The following ENOX2 variants were observed in gnomAD, a reference collection of about 807,000 sequenced individuals.
The protein encoded by ENOX2 is APK1 antigen.
ENOX2 carries 36 observed loss-of-function variants against 45.0 expected under a neutral mutation model. The observed-to-expected ratio is 0.80, with a 90% CI of 0.61 to 1.06. The LOEUF (loss-of-function observed/expected upper bound fraction) is 1.06, where lower values mean the gene tolerates loss of function less well. Among genes scored for constraint, ENOX2 ranks in the 50% least tolerant of loss-of-function variants. The probability of loss-of-function intolerance (pLI) is 0.00; values close to 1 mark genes in which losing one functional copy is unlikely to be tolerated. For missense variants in ENOX2, 423 were observed against 462.5 expected (o/e 0.91, Z 0.78); for synonymous variants, 174 against 152.3 (o/e 1.14, Z -1.05).
At chrX:130,866,363 C>A (rs893579309) in intron 2 of ENOX2, among the ~76,000 whole-genome samples, 1 of 112,013 alleles carries the variant, frequency 8.9e-6, no homozygotes, top group Non-Finnish European at 1.9e-5. Context: ...ATCATGTCAT[C>A]ATCCTGAATC....
rs775886338 is a variant in ENOX2 at position 130,667,609 on chromosome X, G to A, written c.828C>T (p.Asn276=). 15 of 1,209,853 alleles carry A rather than the reference G, an allele frequency of 1.2e-5. No individual in the cohort carries two copies. In the East Asian group the frequency reaches 1.5e-4, roughly 12 times the overall value. Residue 276 remains asparagine, a synonymous_variant, in exon 8 of 15, where the codon AAC becomes AAT. Transcript: ENST00000394363. The part of the protein sequence containing the change: ...SANSHVRRLV[N]EKAAHEKDME... ...TATCTTTCTCATGGGCAGCTTTCTC[G>A]TTCACCAGGCGGCGGACATGGCTGT...
chrX:130,813,086 C>T (rs1481851825), intron 2 of ENOX2, among the ~76,000 whole-genome samples: 1 of 111,769 alleles, frequency 8.9e-6, no homozygotes, highest in Non-Finnish European at 1.9e-5. Flanking sequence ...AGGTATAATG[C>T]AAATATTCCA....
At chrX:130,892,295 T>C (rs906050555) in intron 2 of ENOX2, among the ~76,000 whole-genome samples, 8 of 112,469 alleles carry the variant, frequency 7.1e-5, no homozygotes, top group Admixed American at 3.7e-4. Context: ...AGCATATTCA[T>C]GAAGCAACAT....
intron 3 of ENOX2, among the ~76,000 whole-genome samples, chrX:130,782,045 C>T (rs1224873667): frequency 9.0e-6 from 1 of 110,884 alleles, no homozygotes; most frequent in East Asian, 2.8e-4. Flanking sequence ...TGGAATTACG[C>T]CCCTAAATGA....
At chrX:130,629,863 C>T (rs1395614218) in intron 13 of ENOX2, among the ~76,000 whole-genome samples, 3 of 111,750 alleles carry the variant, frequency 2.7e-5, no homozygotes, top group Non-Finnish European at 5.6e-5. Flanking sequence ...CTCAATCTGC[C>T]ACTGTTCTCC....
chrX:130,778,022 C>T (rs147893271), intron 3 of ENOX2, among the ~76,000 whole-genome samples: 239 of 111,696 alleles, frequency 2.1e-3, no homozygotes, highest in African/African-American at 6.9e-3. Context: ...CTAGAAATAC[C>T]ACACACCAAG....
intron 3 of ENOX2, among the ~76,000 whole-genome samples, chrX:130,769,795 T>C (rs997991883): frequency 1.8e-5 from 2 of 112,456 alleles, no homozygotes; most frequent in Non-Finnish European, 3.8e-5. Context: ...CTCTTGAGAA[T>C]GCTTCCAAAT....
At chrX:130,682,019 C>A (rs986368817) in intron 5 of ENOX2, among the ~76,000 whole-genome samples, 1 of 107,301 alleles carries the variant, frequency 9.3e-6, no homozygotes, top group African/African-American at 3.4e-5. Flanking sequence ...AACACAACCC[C>A]CCCCCCCACC....
intron 10 of ENOX2, chrX:130,645,778 T>C (rs2036216643): frequency 2.4e-6 from 2 of 820,588 alleles, no homozygotes; most frequent in Admixed American, 2.4e-5. Context: ...AGGTGGGTTC[T>C]CGTCCTGGTC....
At chrX:130,838,138 T>C (rs907123418) in intron 2 of ENOX2, among the ~76,000 whole-genome samples, 5 of 111,995 alleles carry the variant, frequency 4.5e-5, no homozygotes, top group African/African-American at 1.6e-4. Context: ...CCCAGCACTT[T>C]GGGAGGCTGA....
At chrX:130,737,822 G>A (rs2038896988) in intron 3 of ENOX2, among the ~76,000 whole-genome samples, 1 of 111,529 alleles carries the variant, frequency 9.0e-6, no homozygotes, top group Non-Finnish European at 1.9e-5. Context: ...AGTCTAAGGG[G>A]GACAAAAGAA....
At chrX:130,710,253 C>T (rs776878362) in intron 3 of ENOX2, among the ~76,000 whole-genome samples, 2 of 111,831 alleles carry the variant, frequency 1.8e-5, no homozygotes, top group South Asian at 7.6e-4. Context: ...TGCAGTAGAG[C>T]CGAGATTCAA....
chrX:130,884,496 T>C (rs988309263), intron 2 of ENOX2, among the ~76,000 whole-genome samples: 4 of 111,324 alleles, frequency 3.6e-5, no homozygotes, highest in Non-Finnish European at 5.7e-5. Flanking sequence ...AATTCAGATA[T>C]AAAAATGGCC....
At chrX:130,735,865 C>T (rs766876105) in intron 3 of ENOX2, among the ~76,000 whole-genome samples, 4 of 110,785 alleles carry the variant, frequency 3.6e-5, no homozygotes, top group African/African-American at 1.3e-4. Flanking sequence ...AAAAATCAGG[C>T]TACAGAATAG....
chrX:130,720,388 G>A (rs779631174), intron 3 of ENOX2, among the ~76,000 whole-genome samples: 51 of 112,611 alleles, frequency 4.5e-4, no homozygotes, highest in African/African-American at 1.3e-3. Context: ...GGGAGCTAAG[G>A]TAAGGAAGCA....
At chrX:130,667,159 A>C (rs2036855710) in intron 8 of ENOX2, among the ~76,000 whole-genome samples, 1 of 112,302 alleles carries the variant, frequency 8.9e-6, no homozygotes, top group Non-Finnish European at 1.9e-5. Context: ...GGCATATTAC[A>C]TGATGATAAT....
chrX:130,863,223 CAG>C (rs1433595231), intron 2 of ENOX2, among the ~76,000 whole-genome samples: 1 of 112,380 alleles, frequency 8.9e-6, no homozygotes. Context: ...AACATGGACT[CAG>C]AATGTTAAAG....
chrX:130,707,539 C>G (rs868701248), intron 3 of ENOX2, among the ~76,000 whole-genome samples: 2 of 109,773 alleles, frequency 1.8e-5, no homozygotes, highest in African/African-American at 3.3e-5. Flanking sequence ...CACACACACA[C>G]ACAGACACAC....
At chrX:130,885,609 G>T (rs1489260306) in intron 2 of ENOX2, among the ~76,000 whole-genome samples, 1 of 112,085 alleles carries the variant, frequency 8.9e-6, no homozygotes, top group Non-Finnish European at 1.9e-5. Flanking sequence ...CACCTAGTTA[G>T]ATTTGAAATT....
Sources: allele counts gnomAD v4.1 joint callset (sites outside exome capture counted in the v4.1 genomes callset), GRCh38; gene constraint gnomAD v4.1.1; transcripts MANE v1.5; gene names NCBI Gene and HGNC (gene_info 2026-07-23, HGNC 2026-07-21).